SH3YL1: variants seen among roughly 807,000 people sequenced by gnomAD.
The protein encoded by SH3YL1 is SH3 domain-containing YSC84-like protein 1.
SH3YL1 carries 41 observed loss-of-function variants against 45.8 expected under a neutral mutation model. The observed-to-expected ratio is 0.89, with a 90% CI of 0.70 to 1.16. The LOEUF is 1.16. SH3YL1 is among the 50% of genes most tolerant of loss of function. The pLI is 0.00. For synonymous variants in SH3YL1, 152 were observed against 151.4 expected, an observed-to-expected ratio of 1.00 and a Z score of -0.03; for missense variants, 389 against 409.6, an observed-to-expected ratio of 0.95 and a Z score of 0.43.
At chr2:237,717 T>C (rs1007029160) in intron 4 of SH3YL1, among the ~76,000 whole-genome samples, 3 of 152,092 alleles carry the variant, frequency 2.0e-5, no homozygotes, top group African/African-American at 7.2e-5. Flanking sequence ...ATGACAAATA[T>C]TTAAGGTGAC....
chr2:260,719 G>C (rs1669555229), intron 1 of SH3YL1: 1 of 152,206 alleles, frequency 6.6e-6, no homozygotes, highest in Non-Finnish European at 1.5e-5. Context: ...AAGCAATTTA[G>C]ACTAGATTTT....
upstream of SH3YL1, chr2:264,287 C>T (rs1669745821): frequency 5.4e-6 from 2 of 370,396 alleles, no homozygotes; most frequent in Non-Finnish European, 4.8e-6. Context: ...GCGCCCAGGC[C>T]CAAGGCCGCC....
At chr2:245,127 C>A (rs1276391156) in intron 4 of SH3YL1, among the ~76,000 whole-genome samples, 1 of 152,076 alleles carries the variant, frequency 6.6e-6, no homozygotes, top group African/African-American at 2.4e-5. Context: ...TCATGGAGAG[C>A]AAACAGTGCT....
chr2:236,322 G>A (rs539737533), intron 4 of SH3YL1, among the ~76,000 whole-genome samples: 219 of 152,158 alleles, frequency 1.4e-3, no homozygotes, highest in East Asian at 4.6e-3. Flanking sequence ...TCCGCTTCTC[G>A]AGAGCTGTGG....
intron 3 of SH3YL1, among the ~76,000 whole-genome samples, chr2:248,362 T>C (rs1470394973): frequency 1.3e-5 from 2 of 152,132 alleles, no homozygotes; most frequent in Admixed American, 6.6e-5. Flanking sequence ...CTGAAATATA[T>C]CCAGAACTAT....
chr2:264,044 GC>G, upstream of SH3YL1: 1 of 1,361,794 alleles, frequency 7.3e-7, no homozygotes, highest in African/African-American at 1.5e-5. Flanking sequence ...AAGGCGCGCT[GC>G]CCCGCCCCGC....
In SH3YL1 at chr2:243,663, C is replaced by T. The variant is rs891706116; in HGVS notation, c.291+3875G>A. On this transcript the variant is annotated intron_variant, in intron 4 of 9. Transcript: ENST00000356150. ...ACTTTAAGCAACAGCCTTGCTTGGA[C>T]CTTTCCCCTTCTTTCCCTTAGTACC... The T allele has an allele frequency of 6.8e-5, 89 of 1,300,104 alleles. No individual in the cohort carries two copies. The South Asian group carries it at 1.4e-3, about 21-fold the overall frequency. 80.5% of individuals were successfully genotyped at this position (1,300,104 alleles called of 1,614,324 possible). A position where few individuals can be genotyped will look rare whatever the true frequency, so the allele number is the denominator to read the frequency against.
Position 218,665 on chromosome 2 carries a change from GA to G in SH3YL1, c.*145del, listed in dbSNP as rs1326247326. 2 of 678,766 alleles carry G rather than the reference GA, an allele frequency of 2.9e-6. No homozygotes were observed. Among genetic ancestry groups the G allele is most frequent in the Non-Finnish European group, 4.8e-6 (2 of 420,546 alleles). 42.0% of individuals were successfully genotyped at this position (678,766 alleles called of 1,614,324 possible). A position where few individuals can be genotyped will look rare whatever the true frequency, so the allele number is the denominator to read the frequency against. Reference sequence around the variant, plus strand: ...TATGTCAGTCAGCTCTTTTTATATAGAAAAACAAAATCTTTTACATACGGAA... The same window carrying G: ...TATGTCAGTCAGCTCTTTTTATATAGAAAACAAAATCTTTTACATACGGAA... On this transcript the variant is annotated 3_prime_UTR_variant, in exon 10 of 10. Transcript: ENST00000356150.
chr2:237,472 C>A (rs1668359676), intron 4 of SH3YL1, among the ~76,000 whole-genome samples: 2 of 151,954 alleles, frequency 1.3e-5, no homozygotes, highest in South Asian at 2.1e-4. Context: ...AGATTTCCTG[C>A]AGGAATCTGG....
At position 218,592 on chromosome 2, in the gene SH3YL1, T is replaced by C; in HGVS notation, c.*219A>G. 2.0e-6 allele frequency: 1 copy of C among 492,020 alleles called. No individual in the cohort carries two copies. The highest frequency in any genetic ancestry group is 3.5e-6 in the Non-Finnish European group (1 of 282,326). 30.5% of individuals were successfully genotyped at this position (492,020 alleles called of 1,614,324 possible). ...CTATGAGCGTATAAACTGTATGATA[T>C]TCTATGACACAGTAAGTGTGATAAA... is the stretch of plus-strand genomic sequence containing the variant. On this transcript the variant is annotated 3_prime_UTR_variant, in exon 10 of 10. Coordinates refer to ENST00000356150, the MANE Select transcript of SH3YL1 (RefSeq NM_015677.4).
intron 4 of SH3YL1, among the ~76,000 whole-genome samples, chr2:237,821 C>A (rs540276584): frequency 2.4e-4 from 35 of 148,540 alleles, no homozygotes; most frequent in South Asian, 1.1e-3. Flanking sequence ...CACTATAAAT[C>A]AAAAAAAAAA....
intron 7 of SH3YL1, 50 bp from the exon 8 acceptor site, chr2:230,094 A>T: frequency 7.1e-7 from 1 of 1,411,730 alleles, no homozygotes; most frequent in Non-Finnish European, 9.8e-7. Flanking sequence ...TCTTGTTTTT[A>T]CTTAGGCACA....
rs890038050 is a variant in SH3YL1, at chr2:247,443, A to G, written c.291+95T>C. 1.1e-5 allele frequency: 10 copies of G among 947,316 alleles called. No homozygotes were observed. The South Asian group carries it at 1.6e-4, about 15-fold the overall frequency. The allele number at this position is 947,316 out of a possible 1,614,324, so 58.7% of individuals were successfully genotyped here. A position where few individuals can be genotyped will look rare whatever the true frequency, so the allele number is the denominator to read the frequency against. On this transcript the variant is annotated intron_variant, in intron 4 of 9. Coordinates refer to ENST00000356150, the MANE Select transcript of SH3YL1 (RefSeq NM_015677.4). ...TTTTTCCTAAGTGCCAATGGTAACA[A>G]TAAGAACGCTAGGAAACCTCTCAGT...
upstream of SH3YL1, chr2:264,151 G>A: frequency 9.8e-7 from 1 of 1,020,922 alleles, no homozygotes. Flanking sequence ...CAAAAACCAC[G>A]CGCCCGCCGG....
rs372630244 is a variant in SH3YL1 at position 237,933 on chromosome 2, C to CG, written c.292-3662dup. On this transcript the variant is annotated intron_variant, in intron 4 of 9. Transcript: ENST00000356150. ...CACAGCTGCCATGCAGGGGAAGCTG[C>CG]GGGAGAGAAATGTCCCTCTTCTCTG... Among the ~76,000 whole-genome samples the CG allele has an allele frequency of 1.6e-3, 251 of 152,270 alleles. 1 individual carries two copies. Among genetic ancestry groups the CG allele is most frequent in the African/African-American group, 5.8e-3 (243 of 41,542 alleles).
intron 7 of SH3YL1, 45 bp from the exon 8 acceptor site, chr2:230,089 T>C: frequency 6.8e-7 from 1 of 1,471,644 alleles, no homozygotes. Context: ...TAAAATCTTG[T>C]TTTTACTTAG....
At chr2:227,860 T>A (rs754189900) in intron 8 of SH3YL1, among the ~76,000 whole-genome samples, 3 of 150,842 alleles carry the variant, frequency 2.0e-5, no homozygotes. Context: ...AGACCCTCCA[T>A]ATGAGCATAC....
chr2:232,549 C>T (rs1191446844), intron 6 of SH3YL1, among the ~76,000 whole-genome samples: 1 of 151,910 alleles, frequency 6.6e-6, no homozygotes, highest in African/African-American at 2.4e-5. Context: ...CCCATCAACT[C>T]GTCATCTACA....
intron 8 of SH3YL1, among the ~76,000 whole-genome samples, chr2:225,617 T>G (rs989664804): frequency 6.6e-6 from 1 of 152,160 alleles, no homozygotes; most frequent in Non-Finnish European, 1.5e-5. Flanking sequence ...TAAAGTTTGG[T>G]GGGATGGGAA....
Sources: allele counts gnomAD v4.1 joint callset (sites outside exome capture counted in the v4.1 genomes callset), GRCh38; gene constraint gnomAD v4.1.1; transcripts MANE v1.5; gene names NCBI Gene and HGNC (gene_info 2026-07-23, HGNC 2026-07-21).